MCPH1: variants seen among roughly 807,000 people sequenced by gnomAD.
MCPH1 encodes the protein microcephalin.
MCPH1 carries 104 observed loss-of-function variants against 84.5 expected under a neutral mutation model. The observed-to-expected ratio is 1.23, with a 90% CI of 1.05 to 1.45. The LOEUF is 1.45. Among genes scored for constraint, MCPH1 ranks in the 40% most tolerant of loss-of-function variants. The probability of loss-of-function intolerance (pLI) is 0.00; values close to 1 mark genes in which losing one functional copy is unlikely to be tolerated. For missense variants in MCPH1, 1,498 were observed against 1,005.7 expected, an observed-to-expected ratio of 1.49 and a Z score of -6.62; for synonymous variants, 514 against 366.8, an observed-to-expected ratio of 1.40 and a Z score of -4.58.
intron 12 of MCPH1, among the ~76,000 whole-genome samples, chr8:6,514,468 C>T (rs949967599): frequency 2.0e-5 from 3 of 152,178 alleles, no homozygotes; most frequent in African/African-American, 7.2e-5. Flanking sequence ...GGATTACAGG[C>T]GTGAGCCAGC....
intron 1 of MCPH1, among the ~76,000 whole-genome samples, chr8:6,408,851 C>A (rs563648255): frequency 6.6e-6 from 1 of 151,728 alleles, no homozygotes; most frequent in Non-Finnish European, 1.5e-5. Flanking sequence ...CATGAGCCAC[C>A]ACACCTGGCC....
chr8:6,539,175 C>T (rs2922876), intron 12 of MCPH1, among the ~76,000 whole-genome samples: 28,008 of 152,174 alleles, frequency 0.18, 2,726 homozygotes, highest in African/African-American at 0.23. Context: ...CTCCTAAACC[C>T]CTCGCCAGAG....
At chr8:6,417,532 C>G (rs974262791) in intron 3 of MCPH1, among the ~76,000 whole-genome samples, 9 of 151,640 alleles carry the variant, frequency 5.9e-5, no homozygotes, top group Admixed American at 2.0e-4. Flanking sequence ...TTTTTTTTCT[C>G]CTCAGATTGA....
chr8:6,449,218 G>A (rs1177570566), intron 8 of MCPH1, among the ~76,000 whole-genome samples: 1 of 152,204 alleles, frequency 6.6e-6, no homozygotes, highest in African/African-American at 2.4e-5. Context: ...GACGCTGATG[G>A]AATTCTCTTA....
rs1450462703 is a variant in MCPH1 at position 6,589,217 on chromosome 8, T to TA, written c.2215-32235dup. On this transcript the variant is annotated intron_variant, in intron 12 of 13. Transcript: ENST00000344683. ...TGAAGGCATTTTACAGAGCTCACCT[T>TA]AATCAATGGCTTTTTCACTTATTAA... Among the ~76,000 whole-genome samples, 3 of 152,350 alleles carry TA rather than the reference T, an allele frequency of 2.0e-5. No individual in the cohort carries two copies. In the East Asian group the frequency reaches 5.8e-4, roughly 29 times the overall value.
intron 3 of MCPH1, among the ~76,000 whole-genome samples, chr8:6,422,317 A>G (rs553714838): frequency 3.7e-4 from 52 of 142,366 alleles, no homozygotes; most frequent in African/African-American, 1.2e-3. Context: ...TACTAGAGAA[A>G]ATATCATGGG....
At chr8:6,412,662 G>A (rs7009134) in intron 2 of MCPH1, among the ~76,000 whole-genome samples, 44,164 of 151,942 alleles carry the variant, frequency 0.29, 7,610 homozygotes, top group African/African-American at 0.49. Context: ...CTCAATTTTC[G>A]TCCTGTTTAG....
chr8:6,636,745 G>C (rs1797585351), intron 13 of MCPH1, among the ~76,000 whole-genome samples: 1 of 152,192 alleles, frequency 6.6e-6, no homozygotes, highest in South Asian at 2.1e-4. Flanking sequence ...TTTGGTTTTA[G>C]ACTCTGGTCC....
rs1827086812 is a variant in MCPH1 at position 6,576,265 on chromosome 8, G to T, written c.2215-45189G>T. ...GAAGTACTAAGGCTCGTTAATTGCA[G>T]CCACCCTATAAAAGAAGGTCCTCTT... On this transcript the variant is annotated intron_variant, in intron 12 of 13. Transcript: ENST00000344683. Among the ~76,000 whole-genome samples the T allele has an allele frequency of 1.3e-5, 2 of 152,092 alleles. 1 individual carries two copies. Among genetic ancestry groups the T allele is most frequent in the South Asian group, 4.1e-4 (2 of 4,824 alleles).
chr8:6,482,153 C>T (rs1809326998), intron 11 of MCPH1, among the ~76,000 whole-genome samples: 2 of 152,144 alleles, frequency 1.3e-5, no homozygotes, highest in Admixed American at 1.3e-4. Context: ...TAATGTTCCC[C>T]AAGCACAAGA....
intron 4 of MCPH1, among the ~76,000 whole-genome samples, chr8:6,433,716 C>G (rs993772059): frequency 6.7e-6 from 1 of 148,954 alleles, no homozygotes; most frequent in South Asian, 2.2e-4. Context: ...TTTTCCTAAT[C>G]TGAAGCATTA....
At chr8:6,531,609 G>C (rs894254851) in intron 12 of MCPH1, among the ~76,000 whole-genome samples, 8 of 152,058 alleles carry the variant, frequency 5.3e-5, no homozygotes, top group African/African-American at 1.9e-4. Flanking sequence ...GACTATTTCA[G>C]TCTTCTTTCT....
At chr8:6,406,769 C>G (rs953339618) in intron 1 of MCPH1, 80 bp downstream of exon 1, 4 of 1,515,268 alleles carry the variant, frequency 2.6e-6, no homozygotes, top group Non-Finnish European at 3.6e-6. Context: ...CTCGGGGGAT[C>G]CCGTGGGAGG....
At chr8:6,546,010 A>G (rs1264456729) in intron 12 of MCPH1, among the ~76,000 whole-genome samples, 1 of 152,242 alleles carries the variant, frequency 6.6e-6, no homozygotes, top group Non-Finnish European at 1.5e-5. Flanking sequence ...CAGATTCATC[A>G]TTACAGTACA....
At chr8:6,555,355 C>G (rs1481180131) in intron 12 of MCPH1, among the ~76,000 whole-genome samples, 1 of 152,174 alleles carries the variant, frequency 6.6e-6, no homozygotes, top group Non-Finnish European at 1.5e-5. Context: ...AGCGTTTCCC[C>G]CTGTCAACTT....
At chr8:6,495,436 C>G (rs1298268279) in intron 11 of MCPH1, among the ~76,000 whole-genome samples, 4 of 152,148 alleles carry the variant, frequency 2.6e-5, no homozygotes, top group African/African-American at 7.2e-5. Flanking sequence ...GGAAGAATCC[C>G]AAATCTTCTT....
At chr8:6,581,013 A>T (rs570294613) in intron 12 of MCPH1, among the ~76,000 whole-genome samples, 22 of 152,234 alleles carry the variant, frequency 1.4e-4, no homozygotes, top group Non-Finnish European at 2.6e-4. Context: ...TACAACAACT[A>T]TTTACATAGC....
chr8:6,503,050 C>G (rs1563300249), intron 12 of MCPH1: 6 of 1,606,440 alleles, frequency 3.7e-6, no homozygotes, highest in Non-Finnish European at 5.1e-6. Flanking sequence ...GTGCACTGGG[C>G]TTAAGTCTTT....
chr8:6,476,325 A>G (rs1416479016), intron 9 of MCPH1, among the ~76,000 whole-genome samples: 2 of 150,672 alleles, frequency 1.3e-5, no homozygotes, highest in Non-Finnish European at 3.0e-5. Context: ...GCTAGTTGGG[A>G]GGCTGAGGCA....
Sources: gnomAD v4.1 joint callset for allele counts (sites outside exome capture counted in the v4.1 genomes callset) on GRCh38, gnomAD v4.1.1 for gene constraint, MANE v1.5 for transcripts, NCBI Gene and HGNC (gene_info 2026-07-23, HGNC 2026-07-21) for gene names.